The following SPATA18 variants were observed in gnomAD, a reference collection of about 807,000 sequenced individuals.
SPATA18 encodes spermatogenesis associated 18, also known as mitochondria-eating protein.
A neutral mutation model predicts 68.1 loss-of-function variants in SPATA18; 54 were observed. The observed-to-expected ratio is 0.79, with a 90% CI of 0.64 to 0.99. The LOEUF (loss-of-function observed/expected upper bound fraction) is 0.99. Ranked by LOEUF, SPATA18 falls within the 50% of genes least tolerant of loss-of-function variation. SPATA18 has a pLI of 0.00. For synonymous variants in SPATA18, 242 were observed against 244.8 expected, an observed-to-expected ratio of 0.99 and a Z score of 0.11; for missense variants, 724 against 681.1, an observed-to-expected ratio of 1.06 and a Z score of -0.70.
At chr4:52,062,140 G>A (rs1419070980) in intron 3 of SPATA18, 80 bp from the exon 4 acceptor site, 1 of 827,434 alleles carries the variant, frequency 1.2e-6, no homozygotes, top group African/African-American at 1.7e-5. Flanking sequence ...TTTTGAGTTG[G>A]GCTGTTTTTT....
In SPATA18 at chr4:52,051,622, T is replaced by TG; in HGVS notation, c.-83_-82insG. 7.7e-7 allele frequency: 1 copy of TG among 1,292,836 alleles called. No individual in the cohort carries two copies. Among genetic ancestry groups the TG allele is most frequent in the Non-Finnish European group, 1.1e-6 (1 of 889,012 alleles). The allele number at this position is 1,292,836 out of a possible 1,614,324, so 80.1% of individuals were successfully genotyped here. A position where few individuals can be genotyped will look rare whatever the true frequency, so the allele number is the denominator to read the frequency against. ...AGAAGAGAACACCCTTCCCGCCATA[T>TG]CACCCCACGGTCCTGCGGAGGCCAC... On this transcript the variant is annotated 5_prime_UTR_variant, in exon 1 of 13. The change creates a new upstream start codon in the 5' untranslated region. Transcript: ENST00000295213.
chr4:52,094,861 TG>T lies in SPATA18; in HGVS notation c.1610-18del. The T allele has an allele frequency of 6.2e-7, 1 of 1,613,952 alleles. No homozygotes were observed. The highest frequency in any genetic ancestry group is 2.2e-5 in the East Asian group (1 of 44,872). On this transcript the variant is annotated intron_variant, in intron 12 of 12. Coordinates refer to ENST00000295213, the MANE Select transcript of SPATA18 (RefSeq NM_145263.4). The stretch of plus-strand genomic sequence containing the variant: ...GAAGAAAGTGACCATAATAATGAAC[TG>T]TCTATTTTTCTCCCTAGGATTTTAA...
At chr4:52,064,558 T>G (rs1056704093) in intron 4 of SPATA18, among the ~76,000 whole-genome samples, 1 of 152,194 alleles carries the variant, frequency 6.6e-6, no homozygotes, top group Non-Finnish European at 1.5e-5. Context: ...TTACTTCACT[T>G]AGAATAATGG....
In SPATA18 at chr4:52,076,892, C is replaced by G. The variant is rs1395278100; in HGVS notation, c.872C>G (p.Ser291Cys). 1.2e-6 allele frequency: 2 copies of G among 1,614,094 alleles called. No homozygotes were observed. Among genetic ancestry groups the G allele is most frequent in the African/African-American group, 1.3e-5 (1 of 74,940 alleles). Residue 291 changes from serine to cysteine, a missense_variant, in exon 7 of 13, where the codon TCC becomes TGC. By Grantham distance (112) the Ser-to-Cys change is moderately radical. Transcript: ENST00000295213. ...GTCAGGAGACCGTCCCCAAACCGCT[C>G]CAAGCTGTCCAATGTGGCGCGCAAG... ...VKVRRPSPNR[S>C]KLSNVARKAA...
In SPATA18 at chr4:52,079,504, T is replaced by C. The variant is rs955934446; in HGVS notation, c.1180-240T>C. ...AAAAGCCACAGAAGGTTTTTTTCCT[T>C]GCTTTTTTAGGACTCTCTTGGCTTT... On this transcript the variant is annotated intron_variant, in intron 8 of 12. Transcript: ENST00000295213. Among the ~76,000 whole-genome samples, 8 of 152,222 alleles carry C rather than the reference T, an allele frequency of 5.3e-5. No homozygotes were observed. The East Asian group carries it at 1.5e-3, about 29-fold the overall frequency.
rs1034850908 is a variant in SPATA18 at position 52,069,168 on chromosome 4, C to T, written c.423-653C>T. Among the ~76,000 whole-genome samples, 10 of 152,290 alleles carry T rather than the reference C, an allele frequency of 6.6e-5. 1 individual carries two copies. The East Asian group carries it at 7.7e-4, about 12-fold the overall frequency. ...ACAGACATGAGCCACTGCACCCAGC[C>T]TCACTTATTTTTTAAACTAGATAGA... On this transcript the variant is annotated intron_variant, in intron 4 of 12. Transcript: ENST00000295213.
chr4:52,060,340 C>A, intron 1 of SPATA18, 79 bp from the exon 2 acceptor site: 1 of 1,173,384 alleles, frequency 8.5e-7, no homozygotes, highest in Non-Finnish European at 1.2e-6. Context: ...GCTCGTGGGT[C>A]AAGTGAGGCC....
intron 6 of SPATA18, among the ~76,000 whole-genome samples, chr4:52,075,692 A>C (rs1344789465): frequency 6.6e-6 from 1 of 152,184 alleles, no homozygotes; most frequent in Non-Finnish European, 1.5e-5. Context: ...CATTTCTTCC[A>C]ACAAAAAAGA....
At position 52,095,694 on chromosome 4, in the gene SPATA18, A is replaced by T. The variant is rs997359552; in HGVS notation, c.*807A>T. ...CTGTTTTAATGCATGTGTTATATATAAAAGTTTCTTGGGACATGCTCTTCA... is the reference window on the plus strand; with the variant it reads ...CTGTTTTAATGCATGTGTTATATATTAAAGTTTCTTGGGACATGCTCTTCA... On this transcript the variant is annotated 3_prime_UTR_variant, in exon 13 of 13. Transcript: ENST00000295213. 2.0e-5 allele frequency: 3 copies of T among 152,176 alleles called. No individual in the cohort carries two copies. The highest frequency in any genetic ancestry group is 4.4e-5 in the Non-Finnish European group (3 of 68,042). 9.4% of individuals were successfully genotyped at this position (152,176 alleles called of 1,614,324 possible).
chr4:52,087,786 G>T (rs543226512), intron 11 of SPATA18, among the ~76,000 whole-genome samples: 14 of 152,180 alleles, frequency 9.2e-5, no homozygotes, highest in South Asian at 2.1e-4. Context: ...ATTTAAAGTG[G>T]TTTTTTCCAA....
At chr4:52,057,448 G>C (rs776633211) in intron 1 of SPATA18, among the ~76,000 whole-genome samples, 43 of 152,262 alleles carry the variant, frequency 2.8e-4, no homozygotes, top group Non-Finnish European at 6.2e-4. Flanking sequence ...TTGGGAAGGG[G>C]AACTGTGTGG....
intron 11 of SPATA18, among the ~76,000 whole-genome samples, chr4:52,088,441 T>C (rs573354521): frequency 6.6e-6 from 1 of 152,360 alleles, no homozygotes; most frequent in East Asian, 1.9e-4. Context: ...TATTTTGAGA[T>C]ATGTTCCATT....
chr4:52,076,123 A>G (rs1578179339), intron 6 of SPATA18, among the ~76,000 whole-genome samples: 1 of 152,222 alleles, frequency 6.6e-6, no homozygotes, highest in African/African-American at 2.4e-5. Context: ...CTAGTGGTAT[A>G]TGTAACTCCT....
chr4:52,069,616 G>A (rs1739619219), intron 4 of SPATA18, among the ~76,000 whole-genome samples: 1 of 152,150 alleles, frequency 6.6e-6, no homozygotes. Flanking sequence ...GTTTGACATT[G>A]AGCAAAGGAT....
At chr4:52,082,707 G>A (rs916171024) in intron 10 of SPATA18, 197 bp downstream of exon 10, 11 of 1,423,626 alleles carry the variant, frequency 7.7e-6, no homozygotes, top group South Asian at 3.0e-5. Context: ...TAATTTCCTG[G>A]CAGTAATTTC....
At chr4:52,091,823 C>T (rs1268388859) in intron 11 of SPATA18, among the ~76,000 whole-genome samples, 1 of 152,192 alleles carries the variant, frequency 6.6e-6, no homozygotes, top group Non-Finnish European at 1.5e-5. Flanking sequence ...TTGCTGCTCT[C>T]TTCAGAGCCA....
At chr4:52,089,810 A>G (rs961746306) in intron 11 of SPATA18, among the ~76,000 whole-genome samples, 9 of 152,196 alleles carry the variant, frequency 5.9e-5, no homozygotes, top group African/African-American at 1.9e-4. Flanking sequence ...CACTTGGTCT[A>G]GACCTGAGTT....
intron 11 of SPATA18, among the ~76,000 whole-genome samples, chr4:52,092,332 A>G (rs1048014358): frequency 2.0e-5 from 3 of 151,890 alleles, no homozygotes; most frequent in Admixed American, 6.5e-5. Flanking sequence ...CTTGAAACCC[A>G]GGGCCCTGGT....
At chr4:52,082,586 G>T in intron 10 of SPATA18, 76 bp downstream of exon 10, 2 of 1,612,246 alleles carry the variant, frequency 1.2e-6, no homozygotes, top group Non-Finnish European at 1.7e-6. Flanking sequence ...TAAACCCAGA[G>T]ATTCTATAAA....
Sources: gnomAD v4.1 joint callset for allele counts (sites outside exome capture counted in the v4.1 genomes callset) on GRCh38, gnomAD v4.1.1 for gene constraint, MANE v1.5 for transcripts, NCBI Gene and HGNC (gene_info 2026-07-23, HGNC 2026-07-21) for gene names.